Variants in BCL2L11 observed in about 807,000 individuals in gnomAD.
BCL2L11 encodes the protein bcl-2-like protein 11.
A neutral mutation model predicts 20.6 loss-of-function variants in BCL2L11; 15 were observed. That is an observed-to-expected ratio of 0.73 (90% CI 0.49 to 1.12). BCL2L11 has a LOEUF of 1.12. Among genes scored for constraint, BCL2L11 ranks in the 50% most tolerant of loss-of-function variants. The probability of loss-of-function intolerance (pLI) is 0.00; values close to 1 mark genes in which losing one functional copy is unlikely to be tolerated. For missense variants in BCL2L11, 292 were observed against 260.9 expected, an observed-to-expected ratio of 1.12 and a Z score of -0.82; for synonymous variants, 108 against 92.8, an observed-to-expected ratio of 1.16 and a Z score of -0.94.
Position 111,128,929 on chromosome 2 carries a change from T to G in BCL2L11, c.394+4790T>G, listed in dbSNP as rs985279551. 3.6e-6 allele frequency: 4 copies of G among 1,099,850 alleles called. 1 individual carries two copies. The South Asian group carries it at 5.1e-5, about 14-fold the overall frequency. The allele number at this position is 1,099,850 out of a possible 1,614,324, so 68.1% of individuals were successfully genotyped here. A position where few individuals can be genotyped will look rare whatever the true frequency, so the allele number is the denominator to read the frequency against. ...TTTGTGGCTGGTGTTCTGTTTCATC[T>G]AAACAGGCTGGCCTCACAGAGGAGC... On this transcript the variant is annotated intron_variant, in intron 2 of 3. Coordinates refer to ENST00000393256, the MANE Select transcript of BCL2L11 (RefSeq NM_138621.5).
intron 2 of BCL2L11, among the ~76,000 whole-genome samples, chr2:111,140,126 C>T (rs1002411959): frequency 6.6e-6 from 1 of 152,176 alleles, no homozygotes; most frequent in African/African-American, 2.4e-5. Flanking sequence ...TGAGTCTGGG[C>T]TGTGCTTAGT....
chr2:111,154,759 A>T (rs73954963), intron 3 of BCL2L11, among the ~76,000 whole-genome samples: 3,968 of 152,358 alleles, frequency 0.026, 168 homozygotes, highest in African/African-American at 0.089. Context: ...GACAGAGATT[A>T]TAAAGGACAA....
At chr2:111,139,470 C>T (rs1018782111) in intron 2 of BCL2L11, among the ~76,000 whole-genome samples, 1 of 152,218 alleles carries the variant, frequency 6.6e-6, no homozygotes, top group Non-Finnish European at 1.5e-5. Context: ...GTGGATTTAA[C>T]ATTAGGAGTG....
At chr2:111,129,947 C>G (rs116179003) in intron 2 of BCL2L11, among the ~76,000 whole-genome samples, 1,647 of 152,198 alleles carry the variant, frequency 0.011, 36 homozygotes, top group African/African-American at 0.037. Context: ...AACAATAGTG[C>G]CTTGTTTTTT....
Position 111,153,271 on chromosome 2 carries a change from C to T in BCL2L11, c.498+3124C>T, listed in dbSNP as rs901787094. Among the ~76,000 whole-genome samples the T allele has an allele frequency of 2.0e-5, 3 of 151,732 alleles. No individual in the cohort carries two copies. The South Asian group carries it at 6.3e-4, about 32-fold the overall frequency. On this transcript the variant is annotated intron_variant, in intron 3 of 3. Transcript: ENST00000393256. ...GTGGGTGCCTGTAATCCCAGCTACT[C>T]GGGAGGCTGAGGCAGGAGAATTGCT...
chr2:111,154,297 T>G (rs2077571979), intron 3 of BCL2L11, among the ~76,000 whole-genome samples: 2 of 151,476 alleles, frequency 1.3e-5, no homozygotes, highest in Non-Finnish European at 1.5e-5. Flanking sequence ...AAAACTATTA[T>G]CTGATCTATG....
chr2:111,138,479 C>T (rs192382009), intron 2 of BCL2L11, among the ~76,000 whole-genome samples: 49 of 152,204 alleles, frequency 3.2e-4, no homozygotes, highest in African/African-American at 1.0e-3. Context: ...GCATGCATAC[C>T]TTGTTTGTGT....
chr2:111,142,695 A>G (rs2076002781), intron 2 of BCL2L11, among the ~76,000 whole-genome samples: 1 of 152,196 alleles, frequency 6.6e-6, no homozygotes, highest in Non-Finnish European at 1.5e-5. Flanking sequence ...AGTAATACTG[A>G]AGACCTTAAT....
intron 2 of BCL2L11, among the ~76,000 whole-genome samples, chr2:111,149,260 G>A (rs1272471864): frequency 6.6e-6 from 1 of 152,106 alleles, no homozygotes. Context: ...GGCTTTTAAT[G>A]GTTTCATTAG....
At chr2:111,132,813 A>G (rs1001511668) in intron 2 of BCL2L11, among the ~76,000 whole-genome samples, 4 of 152,226 alleles carry the variant, frequency 2.6e-5, no homozygotes, top group Non-Finnish European at 5.9e-5. Context: ...ATCGAAGATC[A>G]GGAACCTTGT....
intron 2 of BCL2L11, among the ~76,000 whole-genome samples, chr2:111,142,059 C>T (rs2075909035): frequency 6.6e-6 from 1 of 152,172 alleles, no homozygotes; most frequent in African/African-American, 2.4e-5. Flanking sequence ...GATACAGACT[C>T]ACTGGGCAGC....
chr2:111,123,803 C>T lies in BCL2L11; in HGVS notation c.58C>T (p.Gln20Ter). 6.8e-7 allele frequency: 1 copy of T among 1,480,722 alleles called. No homozygotes were observed. The highest frequency in any genetic ancestry group is 9.0e-7 in the Non-Finnish European group (1 of 1,113,634). The allele number at this position is 1,480,722 out of a possible 1,614,324, so 91.7% of individuals were successfully genotyped here. The change falls in exon 2 of 4, where the codon CAG becomes TAG. Residue 20 changes from glutamine (Q) to a stop codon, truncating the protein, a stop_gained. Transcript: ENST00000393256. LOFTEE classifies it high-confidence loss of function. The stretch of plus-strand genomic sequence containing the variant: ...GTGTGACCGAGAAGGTAGACAATTG[C>T]AGCCTGCGGAGAGGCCTCCCCAGCT... ...SECDREGRQL[Q>*]PAERPPQLRP...
chr2:111,149,716 T>G (rs573408872), intron 2 of BCL2L11, among the ~76,000 whole-genome samples: 3 of 152,366 alleles, frequency 2.0e-5, no homozygotes, highest in Admixed American at 2.0e-4. Context: ...GCATATTTCT[T>G]TGGCAGTATT....
chr2:111,131,355 AT>A (rs2073922552), intron 2 of BCL2L11: 1 of 152,024 alleles, frequency 6.6e-6, no homozygotes, highest in Non-Finnish European at 1.5e-5. Context: ...CTTTTGAAGA[AT>A]TGGTCCCTTT....
chr2:111,147,790 CAG>C (rs747842342), intron 2 of BCL2L11, among the ~76,000 whole-genome samples: 90 of 152,254 alleles, frequency 5.9e-4, no homozygotes, highest in Non-Finnish European at 8.8e-4. Context: ...GGGAAATTGA[CAG>C]GGGGAATTAT....
chr2:111,129,495 A>T (rs189136337), intron 2 of BCL2L11, among the ~76,000 whole-genome samples: 3 of 152,378 alleles, frequency 2.0e-5, no homozygotes, highest in Admixed American at 2.0e-4. Flanking sequence ...AAATAATACA[A>T]AGAAATTGTA....
At chr2:111,145,998 TCTG>T in intron 2 of BCL2L11, 1 of 983,904 alleles carries the variant, frequency 1.0e-6, no homozygotes, top group Non-Finnish European at 1.2e-6. Flanking sequence ...TCTGCCTGAG[TCTG>T]CTACTTGCAG....
At chr2:111,139,513 A>G (rs2075457681) in intron 2 of BCL2L11, among the ~76,000 whole-genome samples, 1 of 152,242 alleles carries the variant, frequency 6.6e-6, no homozygotes, top group Admixed American at 6.5e-5. Flanking sequence ...GACTTCTACA[A>G]CTGCGTTTTC....
chr2:111,164,465 G>A lies in BCL2L11; in HGVS notation c.*234G>A. ...GAATGTAAAGGAGGGAGCATTCTTT[G>A]CTTTTTAATATACAAACCATGGTTT... On this transcript the variant is annotated 3_prime_UTR_variant, in exon 4 of 4. Coordinates refer to ENST00000393256, the MANE Select transcript of BCL2L11 (RefSeq NM_138621.5). 2.4e-6 allele frequency: 1 copy of A among 408,264 alleles called. No homozygotes were observed. The highest frequency in any genetic ancestry group is 4.4e-6 in the Non-Finnish European group (1 of 226,034). 25.3% of individuals were successfully genotyped at this position (408,264 alleles called of 1,614,324 possible).
Sources: gnomAD v4.1 joint callset for allele counts (sites outside exome capture counted in the v4.1 genomes callset) on GRCh38, gnomAD v4.1.1 for gene constraint, MANE v1.5 for transcripts, NCBI Gene and HGNC (gene_info 2026-07-23, HGNC 2026-07-21) for gene names.